Variants in FBXL17 observed in about 807,000 individuals in gnomAD.
The protein encoded by FBXL17 is F-box/LRR-repeat protein 17.
In FBXL17, 22 loss-of-function variants were observed where a neutral mutation model predicts 66.2. The ratio of observed to expected loss-of-function variants is 0.33; its 90% CI spans 0.24 to 0.47. The LOEUF (loss-of-function observed/expected upper bound fraction) is 0.47. FBXL17 is among the 20% of genes least tolerant of loss of function. FBXL17 has a pLI of 1.00. For synonymous variants in FBXL17, 474 were observed against 400.5 expected, an observed-to-expected ratio of 1.18 and a Z score of -2.19; for missense variants, 878 against 948.2, an observed-to-expected ratio of 0.93 and a Z score of 0.97.
intron 4 of FBXL17, among the ~76,000 whole-genome samples, chr5:108,341,013 GTA>G (rs1429193091): frequency 6.6e-6 from 1 of 152,086 alleles, no homozygotes; most frequent in Non-Finnish European, 1.5e-5. Context: ...CATATATGCC[GTA>G]GAGAACTCTT....
chr5:108,288,529 T>TAGTA (rs552444685), intron 4 of FBXL17, among the ~76,000 whole-genome samples: 64,369 of 151,442 alleles, frequency 0.43, 14,358 homozygotes, highest in Non-Finnish European at 0.5. Flanking sequence ...AAACCGAACA[T>TAGTA]AGTACATTAT....
intron 4 of FBXL17, among the ~76,000 whole-genome samples, chr5:108,302,931 T>C (rs531846826): frequency 6.6e-6 from 1 of 151,902 alleles, no homozygotes; most frequent in African/African-American, 2.4e-5. Flanking sequence ...AGAAAGGCAA[T>C]TTACGTTCAC....
At chr5:108,087,219 T>G (rs1233711401) in intron 6 of FBXL17, among the ~76,000 whole-genome samples, 1 of 152,202 alleles carries the variant, frequency 6.6e-6, no homozygotes, top group East Asian at 1.9e-4. Context: ...ACTTGTAACA[T>G]AAAAGATCCA....
chr5:108,346,377 C>T (rs1747281539), intron 4 of FBXL17, among the ~76,000 whole-genome samples: 1 of 151,716 alleles, frequency 6.6e-6, no homozygotes, highest in Admixed American at 6.6e-5. Context: ...ACGTATATAA[C>T]ATATTTTTAA....
chr5:108,241,354 T>C (rs1207600867), intron 4 of FBXL17, among the ~76,000 whole-genome samples: 2 of 152,072 alleles, frequency 1.3e-5, no homozygotes, highest in Admixed American at 6.5e-5. Flanking sequence ...AAAAATGCAA[T>C]TGGCATACTG....
intron 8 of FBXL17, 99 bp from the exon 9 acceptor site, chr5:107,861,959 A>T: frequency 7.8e-7 from 1 of 1,278,378 alleles, no homozygotes. Flanking sequence ...CTGTGACACG[A>T]AGAGCCCTCG....
intron 7 of FBXL17, among the ~76,000 whole-genome samples, chr5:108,020,347 A>C (rs1754544482): frequency 6.6e-6 from 1 of 151,972 alleles, no homozygotes; most frequent in South Asian, 2.1e-4. Flanking sequence ...ATATGACTTC[A>C]TATTTTTCAT....
intron 7 of FBXL17, among the ~76,000 whole-genome samples, chr5:107,936,099 T>G (rs1316947670): frequency 6.6e-6 from 1 of 152,224 alleles, no homozygotes; most frequent in Non-Finnish European, 1.5e-5. Context: ...GAAGAAATCT[T>G]ACTTCCTTGT....
chr5:108,360,723 T>A (rs1748290233), intron 3 of FBXL17, among the ~76,000 whole-genome samples: 1 of 152,112 alleles, frequency 6.6e-6, no homozygotes, highest in Admixed American at 6.6e-5. Context: ...AATGTGAATG[T>A]TTTTCTGCTT....
At chr5:107,958,455 A>T (rs2112621727) in intron 7 of FBXL17, among the ~76,000 whole-genome samples, 1 of 152,322 alleles carries the variant, frequency 6.6e-6, no homozygotes. Context: ...CATCTCATAT[A>T]GTTTTTCCTA....
chr5:107,895,879 A>C (rs576522648), intron 7 of FBXL17, among the ~76,000 whole-genome samples: 1 of 152,234 alleles, frequency 6.6e-6, no homozygotes, highest in East Asian at 1.9e-4. Flanking sequence ...AATAACAATG[A>C]TTTACGTCGT....
At chr5:107,943,086 T>TC (rs1751168572) in intron 7 of FBXL17, among the ~76,000 whole-genome samples, 1 of 152,172 alleles carries the variant, frequency 6.6e-6, no homozygotes, top group South Asian at 2.1e-4. Context: ...TTCTTTGCCT[T>TC]GGTATCACGT....
chr5:107,902,782 C>T (rs1180585773), intron 7 of FBXL17, among the ~76,000 whole-genome samples: 1 of 151,214 alleles, frequency 6.6e-6, no homozygotes, highest in Non-Finnish European at 1.5e-5. Context: ...AGATTTTATG[C>T]ATGCACTTTG....
intron 7 of FBXL17, among the ~76,000 whole-genome samples, chr5:107,934,235 A>G (rs1750825215): frequency 6.6e-6 from 1 of 152,302 alleles, no homozygotes; most frequent in African/African-American, 2.4e-5. Flanking sequence ...CCAAAATTCT[A>G]TCTCAAAAAT....
chr5:108,026,237 C>T (rs1012195431), intron 6 of FBXL17, among the ~76,000 whole-genome samples: 1 of 151,964 alleles, frequency 6.6e-6, no homozygotes, highest in Non-Finnish European at 1.5e-5. Flanking sequence ...TTTATAGTTA[C>T]TTTTTCTAAG....
At chr5:108,233,638 A>C (rs1323765072) in intron 4 of FBXL17, among the ~76,000 whole-genome samples, 1 of 152,196 alleles carries the variant, frequency 6.6e-6, no homozygotes, top group Admixed American at 6.5e-5. Context: ...TCTTCTCCTT[A>C]AGTTGGCATT....
At chr5:107,970,841 G>T (rs549963580) in intron 7 of FBXL17, among the ~76,000 whole-genome samples, 1 of 152,178 alleles carries the variant, frequency 6.6e-6, no homozygotes, top group Non-Finnish European at 1.5e-5. Context: ...GTTCCCTGCA[G>T]GTGCTCCCCG....
chr5:108,350,766 A>T lies in FBXL17; in HGVS notation c.1375-2236T>A, dbSNP rs1011937105. ...ATTAAGTGTGAAAGCAGAATTAGAG[A>T]TGTTTTCAGACATACAAGTTATCAA... On this transcript the variant is annotated intron_variant, in intron 3 of 8. Coordinates refer to ENST00000542267, the MANE Select transcript of FBXL17 (RefSeq NM_001163315.3). 2.6e-5 allele frequency among the ~76,000 whole-genome samples: 4 copies of T among 152,352 alleles called. No homozygotes were observed. The East Asian group carries it at 7.7e-4, about 29-fold the overall frequency.
At chr5:108,312,115 T>G (rs906735019) in intron 4 of FBXL17, among the ~76,000 whole-genome samples, 15 of 152,040 alleles carry the variant, frequency 9.9e-5, no homozygotes, top group African/African-American at 3.6e-4. Flanking sequence ...TTATAAAAGG[T>G]GGCTAGGTCT....
Sources: gnomAD v4.1 joint callset for allele counts (sites outside exome capture counted in the v4.1 genomes callset) on GRCh38, gnomAD v4.1.1 for gene constraint, MANE v1.5 for transcripts, NCBI Gene and HGNC (gene_info 2026-07-23, HGNC 2026-07-21) for gene names.